PHF24: variants seen among roughly 807,000 people sequenced by gnomAD.
The protein encoded by PHF24 is PHD finger protein 24.
A neutral mutation model predicts 42.6 loss-of-function variants in PHF24; 25 were observed. The ratio of observed to expected loss-of-function variants is 0.59; its 90% CI spans 0.43 to 0.82. The LOEUF (loss-of-function observed/expected upper bound fraction) is 0.82, where lower values mean the gene tolerates loss of function less well. Ranked by LOEUF, PHF24 falls within the 40% of genes least tolerant of loss-of-function variation. PHF24 has a pLI of 0.00. For synonymous variants in PHF24, 185 were observed against 204.8 expected (o/e 0.90, Z 0.83); for missense variants, 470 against 538.1 (o/e 0.87, Z 1.25).
the PHF24 span, among the ~76,000 whole-genome samples, chr9:34,676,278 C>A: frequency 1.3e-5 from 2 of 152,066 alleles, no homozygotes; most frequent in Non-Finnish European, 1.5e-5. Flanking sequence ...AATCCCAGCA[C>A]TTTGGAAGGC....
At chr9:34,835,796 T>A in the PHF24 span, 1 of 1,540,488 alleles carries the variant, frequency 6.5e-7, no homozygotes, top group Non-Finnish European at 8.8e-7. Flanking sequence ...AGTGTTGGGT[T>A]TATAGATGCC....
chr9:34,717,276 TG>T, the PHF24 span, among the ~76,000 whole-genome samples: 13,048 of 144,208 alleles, frequency 0.09, 1,308 homozygotes, highest in African/African-American at 0.26. Context: ...GTTGGGATTG[TG>T]GGTTAACATG....
At chr9:34,760,427 C>G in the PHF24 span, among the ~76,000 whole-genome samples, 12 of 152,318 alleles carry the variant, frequency 7.9e-5, no homozygotes, top group South Asian at 2.3e-3. Flanking sequence ...TCAAATATAC[C>G]AAGGTGCCGG....
At chr9:34,710,712 G>T in the PHF24 span, among the ~76,000 whole-genome samples, 2 of 151,922 alleles carry the variant, frequency 1.3e-5, no homozygotes, top group African/African-American at 2.4e-5. Context: ...GGGCTCAAAT[G>T]ATCTGCCTGC....
At chr9:34,744,995 A>C in the PHF24 span, among the ~76,000 whole-genome samples, 2 of 152,264 alleles carry the variant, frequency 1.3e-5, no homozygotes, top group Non-Finnish European at 2.9e-5. Context: ...GCACAGAATC[A>C]GAAGAGACAA....
At chr9:34,735,726 G>A in the PHF24 span, among the ~76,000 whole-genome samples, 9 of 151,962 alleles carry the variant, frequency 5.9e-5, no homozygotes, top group Admixed American at 4.6e-4. Context: ...TTGAATCCGG[G>A]TAGCGGAGGT....
chr9:34,928,563 A>C, the PHF24 span, among the ~76,000 whole-genome samples: 2 of 152,050 alleles, frequency 1.3e-5, no homozygotes, highest in Non-Finnish European at 2.9e-5. Context: ...TCTTTTTTTC[A>C]TTCTCCCTCC....
At chr9:34,896,779 G>A in the PHF24 span, among the ~76,000 whole-genome samples, 1 of 151,958 alleles carries the variant, frequency 6.6e-6, no homozygotes, top group Admixed American at 6.6e-5. Context: ...TCAATATTAT[G>A]GCATGTCCCC....
At chr9:34,707,458 A>G in the PHF24 span, among the ~76,000 whole-genome samples, 95 of 152,348 alleles carry the variant, frequency 6.2e-4, no homozygotes, top group East Asian at 0.013. Context: ...AGCTTGGAGT[A>G]GGAATTAAGT....
the PHF24 span, among the ~76,000 whole-genome samples, chr9:34,907,838 CTTTGT>C: frequency 6.6e-6 from 1 of 151,260 alleles, no homozygotes; most frequent in South Asian, 2.1e-4. Flanking sequence ...TGTTTTGTTG[CTTTGT>C]TTTGTTTTGT....
At chr9:34,950,473 C>T in the PHF24 span, among the ~76,000 whole-genome samples, 1 of 150,574 alleles carries the variant, frequency 6.6e-6, no homozygotes, top group South Asian at 2.1e-4. Flanking sequence ...GGAAACTAAA[C>T]AAGACACTAC....
chr9:34,960,096 G>A (rs1019427876), intron 1 of PHF24, among the ~76,000 whole-genome samples: 3 of 152,184 alleles, frequency 2.0e-5, no homozygotes, highest in South Asian at 2.1e-4. Flanking sequence ...TCGCCCCCTC[G>A]TTGTTTTCAT....
At chr9:34,810,054 G>GC in the PHF24 span, among the ~76,000 whole-genome samples, 1 of 151,612 alleles carries the variant, frequency 6.6e-6, no homozygotes, top group Non-Finnish European at 1.5e-5. Context: ...CGGCAGCTCA[G>GC]CCAGCGCTGC....
At chr9:34,674,278 A>G in the PHF24 span, among the ~76,000 whole-genome samples, 1 of 152,158 alleles carries the variant, frequency 6.6e-6, no homozygotes. Flanking sequence ...TATTACCTGT[A>G]TGTGTCCATC....
chr9:34,837,582 G>T, the PHF24 span: 1 of 1,192,626 alleles, frequency 8.4e-7, no homozygotes, highest in South Asian at 1.3e-5. Flanking sequence ...TGGCTCCAGG[G>T]GTCATAGAGG....
At chr9:34,966,597 A>G (rs2132877461) in intron 1 of PHF24, among the ~76,000 whole-genome samples, 1 of 149,468 alleles carries the variant, frequency 6.7e-6, no homozygotes, top group African/African-American at 2.4e-5. Flanking sequence ...CCCTCGCCCC[A>G]TCTCAAAATA....
chr9:34,720,241 G>A, the PHF24 span, among the ~76,000 whole-genome samples: 8 of 152,128 alleles, frequency 5.3e-5, no homozygotes, highest in African/African-American at 1.4e-4. Flanking sequence ...TCAGGAGATC[G>A]AGACCATCCT....
exon 8 of PHF24, chr9:34,981,799 C>T (rs1449991590): frequency 6.7e-6 from 1 of 149,674 alleles, no homozygotes; most frequent in Non-Finnish European, 1.5e-5. Context: ...CTACTTTCTC[C>T]TACCACTTAG....
chr9:34,882,828 A>G, the PHF24 span, among the ~76,000 whole-genome samples: 1 of 152,216 alleles, frequency 6.6e-6, no homozygotes, highest in Admixed American at 6.5e-5. Context: ...CCATCAAGCT[A>G]CCAATGACTT....
Sources: gnomAD v4.1 joint callset for allele counts (sites outside exome capture counted in the v4.1 genomes callset) on GRCh38, gnomAD v4.1.1 for gene constraint, MANE v1.5 for transcripts, NCBI Gene and HGNC (gene_info 2026-07-23, HGNC 2026-07-21) for gene names.